The following STXBP3 variants were observed in gnomAD, a reference collection of about 807,000 sequenced individuals.
STXBP3 encodes syntaxin-binding protein 3.
STXBP3 carries 41 observed loss-of-function variants against 85.7 expected under a neutral mutation model. That is an observed-to-expected ratio of 0.48 (90% CI 0.37 to 0.62). The LOEUF is 0.62. Among genes scored for constraint, STXBP3 ranks in the 20% least tolerant of loss-of-function variants. The probability of loss-of-function intolerance (pLI) is 0.00; values close to 1 mark genes in which losing one functional copy is unlikely to be tolerated. For synonymous variants in STXBP3, 229 were observed against 231.7 expected (o/e 0.99, Z 0.10); for missense variants, 563 against 703.1 (o/e 0.80, Z 2.25).
chr1:108,795,769 A>G (rs535567451), intron 13 of STXBP3, among the ~76,000 whole-genome samples: 4 of 152,368 alleles, frequency 2.6e-5, no homozygotes, highest in African/African-American at 9.6e-5. Context: ...TGTATTTTGT[A>G]TAAACAATAG....
In STXBP3 at chr1:108,800,314, T is replaced by A; in HGVS notation, c.1535+9T>A. On this transcript the variant is annotated intron_variant, in intron 17 of 18. Transcript: ENST00000370008. ...GGTTCAGGAGCTGTAAGGTAAATTCTACAAGTGAAAATCAATGAAATTTTC... is the reference window on the plus strand; with the variant it reads ...GGTTCAGGAGCTGTAAGGTAAATTCAACAAGTGAAAATCAATGAAATTTTC... The A allele has an allele frequency of 6.3e-7, 1 of 1,590,552 alleles. No homozygotes were observed. Among genetic ancestry groups the A allele is most frequent in the Non-Finnish European group, 8.6e-7 (1 of 1,160,230 alleles).
At chr1:108,766,041 A>G (rs975583513) in intron 6 of STXBP3, among the ~76,000 whole-genome samples, 6 of 151,582 alleles carry the variant, frequency 4.0e-5, no homozygotes, top group Non-Finnish European at 8.8e-5. Context: ...TTTAGTAGAG[A>G]CTGGGTTTCA....
In STXBP3 at chr1:108,752,988, T is replaced by G. The variant is rs565711082; in HGVS notation, c.100-75T>G. 5.6e-5 allele frequency: 65 copies of G among 1,158,468 alleles called. No homozygotes were observed. The African/African-American group carries it at 9.9e-4, about 18-fold the overall frequency. The allele number at this position is 1,158,468 out of a possible 1,614,324, so 71.8% of individuals were successfully genotyped here. On this transcript the variant is annotated intron_variant, in intron 2 of 18. Coordinates refer to ENST00000370008, the MANE Select transcript of STXBP3 (RefSeq NM_007269.4). ...TGTGTTATAAAAGGCTTATAAAGTT[T>G]AATGGATAAAATTCTTTTTTTCATT... is the stretch of plus-strand genomic sequence containing the variant.
At chr1:108,795,901 T>C (rs1227930606) in intron 13 of STXBP3, among the ~76,000 whole-genome samples, 1 of 152,154 alleles carries the variant, frequency 6.6e-6, no homozygotes, top group Non-Finnish European at 1.5e-5. Flanking sequence ...GTTTCGCTCT[T>C]GTTGCCCAGG....
Position 108,759,991 on chromosome 1 carries a change from C to G in STXBP3, c.344C>G (p.Pro115Arg). The G allele has an allele frequency of 6.4e-7, 1 of 1,561,082 alleles. No homozygotes were observed. The highest frequency in any genetic ancestry group is 2.1e-5 in the Admixed American group (1 of 48,386). The stretch of plus-strand genomic sequence containing the variant: ...TGTTTTTTTTTCCCCTCAGTTTGCC[C>G]TGATAATCTCTTTAACAAAATTAAG... Reference protein sequence around the residue: ...AAYIYFTDFCPDNLFNKIKAS... With the variant: ...AAYIYFTDFCRDNLFNKIKAS... Residue 115 changes from proline to arginine, a missense_variant, in exon 6 of 19, where the codon CCT (proline) becomes CGT (arginine). Pro to Arg is a moderately radical substitution (Grantham distance 103, BLOSUM62 -2). Around this residue, in one of 3 missense-constraint regions of STXBP3, gnomAD observed 494 missense variants for 592.8 expected, o/e 0.83. Transcript: ENST00000370008.
intron 7 of STXBP3, among the ~76,000 whole-genome samples, chr1:108,774,800 A>G (rs1198070533): frequency 6.6e-6 from 1 of 151,768 alleles, no homozygotes; most frequent in Non-Finnish European, 1.5e-5. Flanking sequence ...GACTCAGTGG[A>G]GCTAAGTGGT....
chr1:108,760,994 C>T (rs1218063373), intron 6 of STXBP3, among the ~76,000 whole-genome samples: 1 of 152,090 alleles, frequency 6.6e-6, no homozygotes, highest in Non-Finnish European at 1.5e-5. Flanking sequence ...ACCTCCATCT[C>T]CCAAGTTCAA....
intron 16 of STXBP3, among the ~76,000 whole-genome samples, chr1:108,799,692 T>A (rs74225292): frequency 1.3e-5 from 2 of 152,204 alleles, no homozygotes; most frequent in African/African-American, 2.4e-5. Flanking sequence ...TATTTACTTA[T>A]AAGTTAAGCA....
chr1:108,772,919 T>C, intron 7 of STXBP3, 100 bp downstream of exon 7: 1 of 1,195,636 alleles, frequency 8.4e-7, no homozygotes, highest in Non-Finnish European at 1.1e-6. Context: ...TTGCAAAATT[T>C]ATTTTCTTTG....
intron 6 of STXBP3, among the ~76,000 whole-genome samples, chr1:108,770,243 C>T (rs1475668124): frequency 1.3e-5 from 2 of 152,082 alleles, no homozygotes; most frequent in Non-Finnish European, 2.9e-5. Flanking sequence ...TTCAGTCAGC[C>T]ATAACCATGC....
intron 17 of STXBP3, among the ~76,000 whole-genome samples, chr1:108,804,831 A>G (rs1388498785): frequency 3.3e-5 from 5 of 152,166 alleles, no homozygotes; most frequent in Non-Finnish European, 7.3e-5. Context: ...TCAGCTCCCA[A>G]TCTGTACCTT....
chr1:108,797,204 A>T (rs1557814768), intron 15 of STXBP3, among the ~76,000 whole-genome samples: 1 of 151,944 alleles, frequency 6.6e-6, no homozygotes, highest in East Asian at 1.9e-4. Flanking sequence ...AAAACAAAAA[A>T]ATAACCAGGT....
chr1:108,769,937 T>G (rs1274124208), intron 6 of STXBP3, among the ~76,000 whole-genome samples: 1 of 152,038 alleles, frequency 6.6e-6, no homozygotes, highest in African/African-American at 2.4e-5. Context: ...AAAGAGAAAA[T>G]AGTGGAGCCA....
At chr1:108,752,632 A>G (rs971397532) in intron 2 of STXBP3, among the ~76,000 whole-genome samples, 5 of 152,228 alleles carry the variant, frequency 3.3e-5, no homozygotes. Flanking sequence ...CTCCTTGCAC[A>G]AGTTACTTGA....
At chr1:108,764,660 A>G (rs1042232490) in intron 6 of STXBP3, among the ~76,000 whole-genome samples, 1 of 152,042 alleles carries the variant, frequency 6.6e-6, no homozygotes, top group Non-Finnish European at 1.5e-5. Flanking sequence ...GATTTGAGCC[A>G]TTTTTCATAT....
At chr1:108,800,103 A>G in intron 16 of STXBP3, 117 bp from the exon 17 acceptor site, 1 of 702,014 alleles carries the variant, frequency 1.4e-6, no homozygotes. Flanking sequence ...GACTAATCTT[A>G]TACTAAATAT....
At chr1:108,752,194 C>A in intron 1 of STXBP3, 63 bp from the exon 2 acceptor site, 1 of 1,459,230 alleles carries the variant, frequency 6.9e-7, no homozygotes, top group Non-Finnish European at 9.4e-7. Context: ...CCATTTTGGA[C>A]CCTTTGGATT....
chr1:108,780,300 G>A (rs1247845368), intron 9 of STXBP3: 1 of 151,638 alleles, frequency 6.6e-6, no homozygotes, highest in South Asian at 2.1e-4. Flanking sequence ...TGTATTATCT[G>A]TATTAATGTT....
At chr1:108,788,483 T>C (rs1662905635) in intron 11 of STXBP3, among the ~76,000 whole-genome samples, 1 of 152,228 alleles carries the variant, frequency 6.6e-6, no homozygotes, top group South Asian at 2.1e-4. Flanking sequence ...GCTTGTTCTA[T>C]TGCTGCTTGA....
Sources: gnomAD v4.1 joint callset for allele counts (sites outside exome capture counted in the v4.1 genomes callset) on GRCh38, gnomAD v4.1.1 for gene constraint, gnomAD v4.1.1 regional missense constraint, MANE v1.5 for transcripts, NCBI Gene and HGNC (gene_info 2026-07-23, HGNC 2026-07-21) for gene names.